Variants in LRRC7 observed in about 807,000 individuals in gnomAD.
LRRC7 encodes leucine-rich repeat-containing protein 7.
A neutral mutation model predicts 175.7 loss-of-function variants in LRRC7; 23 were observed. The ratio of observed to expected loss-of-function variants is 0.13; its 90% CI spans 0.09 to 0.19. The LOEUF is 0.19. Ranked by LOEUF, LRRC7 falls within the 10% of genes least tolerant of loss-of-function variation. LRRC7 has a pLI of 1.00. For missense variants in LRRC7, 1,354 were observed against 1,904.7 expected (o/e 0.71, Z 5.38); for synonymous variants, 685 against 680.9 (o/e 1.01, Z -0.09).
chr1:69,717,762 AAAAGAAAAAAAG>A (rs1428964370), intron 2 of LRRC7, among the ~76,000 whole-genome samples: 15 of 40,838 alleles, frequency 3.7e-4, no homozygotes, highest in Admixed American at 3.0e-3. Context: ...GAACATGAAA[AAAAGAAAAAAAG>A]AAAGAAAGAA....
chr1:69,945,500 T>C (rs1649209996), intron 8 of LRRC7, among the ~76,000 whole-genome samples: 1 of 152,114 alleles, frequency 6.6e-6, no homozygotes, highest in South Asian at 2.1e-4. Context: ...TTTTGTGATT[T>C]CATGCTTGTT....
chr1:69,706,125 CTTAAA>C (rs1402542517), intron 2 of LRRC7, among the ~76,000 whole-genome samples: 1 of 151,662 alleles, frequency 6.6e-6, no homozygotes, highest in Admixed American at 6.6e-5. Context: ...TGTCTTGAGG[CTTAAA>C]TTAAATAATG....
At chr1:69,725,831 C>G (rs1666913819) in intron 2 of LRRC7, among the ~76,000 whole-genome samples, 1 of 152,180 alleles carries the variant, frequency 6.6e-6, no homozygotes, top group South Asian at 2.1e-4. Context: ...CCCACATGAC[C>G]CAGCAGCTTG....
At chr1:69,656,128 A>G (rs1656572380) in intron 1 of LRRC7, among the ~76,000 whole-genome samples, 1 of 152,032 alleles carries the variant, frequency 6.6e-6, no homozygotes, top group African/African-American at 2.4e-5. Context: ...GGGATGCAAA[A>G]GAGCCAGTTA....
At chr1:69,926,250 T>G in intron 7 of LRRC7, among the ~76,000 whole-genome samples, 1 of 131,580 alleles carries the variant, frequency 7.6e-6, no homozygotes, top group Non-Finnish European at 1.7e-5. Flanking sequence ...ATAGGTGTGG[T>G]GTGTGGTGTG....
chr1:70,112,629 G>A (rs1257463261), intron 26 of LRRC7, among the ~76,000 whole-genome samples: 4 of 152,176 alleles, frequency 2.6e-5, no homozygotes, highest in African/African-American at 9.7e-5. Context: ...AGTACAAGAT[G>A]TAAGACCCTC....
rs553533365 is a variant in LRRC7 at position 69,595,518 on chromosome 1, C to T, written c.2+26877C>T. On this transcript the variant is annotated intron_variant, in intron 1 of 26. Transcript: ENST00000651989. The stretch of plus-strand genomic sequence containing the variant: ...GGGTTTCAAACCCAGGGAGTCTGGC[C>T]TTCAGCCACTACTGAAACAACAGCA... Among the ~76,000 whole-genome samples the T allele has an allele frequency of 3.3e-5, 5 of 152,336 alleles. No homozygotes were observed. In the East Asian group the frequency reaches 9.6e-4, roughly 29 times the overall value.
At chr1:70,022,390 C>T (rs774071475) in intron 16 of LRRC7, 2 of 152,090 alleles carry the variant, frequency 1.3e-5, no homozygotes, top group Non-Finnish European at 2.9e-5. Context: ...CATGCTTCTT[C>T]CTGAAATTCT....
intron 1 of LRRC7, among the ~76,000 whole-genome samples, chr1:69,609,777 T>C (rs1219893548): frequency 6.6e-6 from 1 of 152,106 alleles, no homozygotes; most frequent in Non-Finnish European, 1.5e-5. Flanking sequence ...TTGTTTCTTT[T>C]AATTATACAA....
chr1:70,120,837 T>G (rs1360381693), intron 26 of LRRC7, among the ~76,000 whole-genome samples: 3 of 152,052 alleles, frequency 2.0e-5, no homozygotes, highest in Admixed American at 6.6e-5. Flanking sequence ...GTCATTCAGT[T>G]GCCAAGATTT....
intron 7 of LRRC7, among the ~76,000 whole-genome samples, chr1:69,870,119 G>T (rs771475761): frequency 2.6e-5 from 4 of 152,158 alleles, no homozygotes; most frequent in Non-Finnish European, 5.9e-5. Context: ...GTGGGGCAAT[G>T]AATGAATGGT....
intron 7 of LRRC7, among the ~76,000 whole-genome samples, chr1:69,922,177 C>T (rs1646910780): frequency 6.6e-6 from 1 of 152,228 alleles, no homozygotes; most frequent in South Asian, 2.1e-4. Context: ...CCACCTGCCT[C>T]GGCCCCCCAA....
At chr1:69,890,656 A>G (rs1429613423) in intron 7 of LRRC7, among the ~76,000 whole-genome samples, 2 of 152,210 alleles carry the variant, frequency 1.3e-5, no homozygotes. Context: ...TGAATGTCCC[A>G]GATGGCATTT....
At chr1:69,581,179 T>G (rs189034356) in intron 1 of LRRC7, among the ~76,000 whole-genome samples, 1 of 152,288 alleles carries the variant, frequency 6.6e-6, no homozygotes, top group Non-Finnish European at 1.5e-5. Flanking sequence ...CATTAAGCAT[T>G]TATGAACACA....
chr1:69,787,662 G>A (rs1006677287), intron 3 of LRRC7, among the ~76,000 whole-genome samples: 1 of 152,176 alleles, frequency 6.6e-6, no homozygotes, highest in Admixed American at 6.5e-5. Flanking sequence ...CATAGCACGG[G>A]GCCCTGGGCC....
At chr1:70,037,299 G>A (rs1659406586) in intron 20 of LRRC7, among the ~76,000 whole-genome samples, 1 of 152,044 alleles carries the variant, frequency 6.6e-6, no homozygotes, top group Non-Finnish European at 1.5e-5. Context: ...TGATAATATT[G>A]CCACTGTTGG....
chr1:69,896,771 G>A (rs528241277), intron 7 of LRRC7, among the ~76,000 whole-genome samples: 1 of 152,176 alleles, frequency 6.6e-6, no homozygotes, highest in East Asian at 1.9e-4. Flanking sequence ...AAAAGAGAAA[G>A]TCTAACTTTT....
intron 1 of LRRC7, among the ~76,000 whole-genome samples, chr1:69,615,121 T>C (rs1245056914): frequency 6.6e-6 from 1 of 152,056 alleles, no homozygotes; most frequent in African/African-American, 2.4e-5. Flanking sequence ...TCACCAATAA[T>C]CCCTTTTATG....
intron 1 of LRRC7, among the ~76,000 whole-genome samples, chr1:69,613,349 A>G (rs1649103082): frequency 1.3e-5 from 2 of 152,044 alleles, no homozygotes; most frequent in Admixed American, 6.6e-5. Flanking sequence ...GCTCTATCCT[A>G]TGACCTAATT....
Sources: gnomAD v4.1 joint callset for allele counts (sites outside exome capture counted in the v4.1 genomes callset) on GRCh38, gnomAD v4.1.1 for gene constraint, MANE v1.5 for transcripts, NCBI Gene and HGNC (gene_info 2026-07-23, HGNC 2026-07-21) for gene names.